BMPR1B: variants seen among roughly 807,000 people sequenced by gnomAD.
BMPR1B encodes the protein bone morphogenetic protein receptor type-1B.
A neutral mutation model predicts 59.1 loss-of-function variants in BMPR1B; 12 were observed. The ratio of observed to expected loss-of-function variants is 0.20; its 90% CI spans 0.13 to 0.33. The LOEUF (loss-of-function observed/expected upper bound fraction) is 0.33, where lower values mean the gene tolerates loss of function less well. BMPR1B is among the 10% of genes least tolerant of loss of function. The pLI, the probability that BMPR1B is intolerant of heterozygous loss-of-function variation, is 1.00. For synonymous variants in BMPR1B, 237 were observed against 207.3 expected (o/e 1.14, Z -1.23); for missense variants, 550 against 610.9 (o/e 0.90, Z 1.05).
chr4:94,873,641 C>A (rs1043496721), intron 1 of BMPR1B, among the ~76,000 whole-genome samples: 1 of 152,148 alleles, frequency 6.6e-6, no homozygotes, highest in Non-Finnish European at 1.5e-5. Context: ...ATCTCCTGAC[C>A]TTGTGATCTG....
intron 3 of BMPR1B, among the ~76,000 whole-genome samples, chr4:95,031,145 A>G (rs1442310851): frequency 1.3e-5 from 2 of 152,146 alleles, no homozygotes; most frequent in Non-Finnish European, 2.9e-5. Context: ...AGTAACCAAA[A>G]CAGCATGGTA....
At chr4:95,132,899 A>C (rs1463302458) in intron 10 of BMPR1B, among the ~76,000 whole-genome samples, 1 of 152,114 alleles carries the variant, frequency 6.6e-6, no homozygotes, top group Non-Finnish European at 1.5e-5. Context: ...CACAGTGTCC[A>C]AACCTTTCTT....
intron 3 of BMPR1B, among the ~76,000 whole-genome samples, chr4:95,035,225 G>A (rs1578966571): frequency 6.6e-6 from 1 of 151,964 alleles, no homozygotes; most frequent in Non-Finnish European, 1.5e-5. Flanking sequence ...CCACACTGTG[G>A]GATATCTGTT....
At chr4:94,758,326 T>TGCGCGGGCGGCTCTGC (rs1250214604) in intron 1 of BMPR1B, among the ~76,000 whole-genome samples, 4 of 149,834 alleles carry the variant, frequency 2.7e-5, no homozygotes, top group South Asian at 2.1e-4. Flanking sequence ...CTCGGCTTTG[T>TGCGCGGGCGGCTCTGC]GCGCGGGCGG....
chr4:95,026,158 C>CTTTCTCTT (rs1724398850), intron 3 of BMPR1B, among the ~76,000 whole-genome samples: 1 of 146,704 alleles, frequency 6.8e-6, no homozygotes, highest in African/African-American at 2.5e-5. Flanking sequence ...TTCTTTCTTT[C>CTTTCTCTT]TTTCTCTTTT....
chr4:94,965,849 C>T (rs1730535967), intron 2 of BMPR1B, among the ~76,000 whole-genome samples: 1 of 152,128 alleles, frequency 6.6e-6, no homozygotes, highest in Admixed American at 6.6e-5. Context: ...AGGCACTCAA[C>T]AGCTCTGATC....
intron 8 of BMPR1B, among the ~76,000 whole-genome samples, chr4:95,129,066 T>G (rs1265796100): frequency 6.6e-6 from 1 of 152,184 alleles, no homozygotes; most frequent in African/African-American, 2.4e-5. Context: ...GTTATACCCA[T>G]GATCAAGTTG....
intron 1 of BMPR1B, among the ~76,000 whole-genome samples, chr4:94,846,451 G>C (rs1356599024): frequency 2.0e-5 from 3 of 152,106 alleles, no homozygotes; most frequent in African/African-American, 7.2e-5. Context: ...ATCTGGGTGG[G>C]CACAATCTAA....
chr4:94,813,433 G>A (rs1198702352), intron 1 of BMPR1B, among the ~76,000 whole-genome samples: 1 of 152,156 alleles, frequency 6.6e-6, no homozygotes, highest in Non-Finnish European at 1.5e-5. Context: ...CAGGACTTAG[G>A]TGGAAACCTG....
chr4:94,972,314 C>G lies in BMPR1B; in HGVS notation c.-112-23726C>G, dbSNP rs114261591. ...GTTTATTTGCTCTTTAAAAAGATAA[C>G]TTTATTATGACTTTTAAATAAATGT... On this transcript the variant is annotated intron_variant, in intron 2 of 12. Coordinates refer to ENST00000515059, the MANE Select transcript of BMPR1B (RefSeq NM_001203.3). 4.1e-3 allele frequency among the ~76,000 whole-genome samples: 628 copies of G among 151,928 alleles called. 5 individuals are homozygous for G. The highest frequency in any genetic ancestry group is 0.015 in the African/African-American group (607 of 41,506).
intron 3 of BMPR1B, among the ~76,000 whole-genome samples, chr4:95,082,299 A>T (rs1254191079): frequency 6.6e-6 from 1 of 152,002 alleles, no homozygotes; most frequent in African/African-American, 2.4e-5. Flanking sequence ...ACAACGTAAA[A>T]GGGTCCCAAG....
intron 2 of BMPR1B, among the ~76,000 whole-genome samples, chr4:94,941,599 G>A (rs1175810805): frequency 2.6e-5 from 4 of 152,062 alleles, no homozygotes; most frequent in Non-Finnish European, 5.9e-5. Flanking sequence ...TGAAAGGTTA[G>A]CAGGTGGTGT....
At chr4:94,862,681 C>T (rs1334708083) in intron 1 of BMPR1B, among the ~76,000 whole-genome samples, 4 of 151,254 alleles carry the variant, frequency 2.6e-5, no homozygotes, top group Non-Finnish European at 5.9e-5. Context: ...CGTGGTGGCT[C>T]ATGCCTGTAA....
At position 94,828,498 on chromosome 4, in the gene BMPR1B, G is replaced by A. The variant is rs548789867; in HGVS notation, c.-182-47333G>A. Among the ~76,000 whole-genome samples, 14 of 152,110 alleles carry A rather than the reference G, an allele frequency of 9.2e-5. No individual in the cohort carries two copies. The South Asian group carries it at 2.9e-3, about 32-fold the overall frequency. On this transcript the variant is annotated intron_variant, in intron 1 of 12. Transcript: ENST00000515059. ...CCGCTCTTTGATTACAGGATTCCAG[G>A]GTCAAATAATTTTGTTTGATAAACA...
intron 3 of BMPR1B, among the ~76,000 whole-genome samples, chr4:95,049,423 T>G (rs1008661256): frequency 4.5e-3 from 10 of 2,244 alleles, no homozygotes; most frequent in South Asian, 0.016. Flanking sequence ...ATAAAAGTTT[T>G]TTTTTTTTTT....
intron 3 of BMPR1B, among the ~76,000 whole-genome samples, chr4:95,072,453 A>G (rs888298651): frequency 2.2e-4 from 34 of 152,180 alleles, no homozygotes; most frequent in Non-Finnish European, 1.6e-4. Flanking sequence ...GCTTAGCTCT[A>G]GGGATTGAGC....
chr4:95,030,272 A>C (rs184768627), intron 3 of BMPR1B, among the ~76,000 whole-genome samples: 9,020 of 152,132 alleles, frequency 0.059, 309 homozygotes, highest in Middle Eastern at 0.085. Flanking sequence ...AGTCTTTAAT[A>C]CATCTTGAAT....
intron 1 of BMPR1B, among the ~76,000 whole-genome samples, chr4:94,838,125 G>T (rs1724897412): frequency 7.0e-6 from 1 of 143,150 alleles, no homozygotes; most frequent in Admixed American, 6.9e-5. Flanking sequence ...AATCATGGTG[G>T]ATAAGCTTTT....
chr4:95,068,134 G>A (rs1451758376), intron 3 of BMPR1B, among the ~76,000 whole-genome samples: 3 of 152,122 alleles, frequency 2.0e-5, no homozygotes, highest in Admixed American at 2.0e-4. Context: ...GATGATGAAG[G>A]TTTGTGTAGA....
Sources: allele counts gnomAD v4.1 joint callset (sites outside exome capture counted in the v4.1 genomes callset), GRCh38; gene constraint gnomAD v4.1.1; transcripts MANE v1.5; gene names NCBI Gene and HGNC (gene_info 2026-07-23, HGNC 2026-07-21).